The following MNS1 variants were observed in gnomAD, a reference collection of about 807,000 sequenced individuals.
MNS1 encodes meiosis-specific nuclear structural protein 1.
In MNS1, 63 loss-of-function variants were observed where a neutral mutation model predicts 72.0. The observed-to-expected ratio is 0.87, with a 90% CI of 0.71 to 1.08. The LOEUF is 1.08. Among genes scored for constraint, MNS1 ranks in the 50% least tolerant of loss-of-function variants. The pLI is 0.00. For missense variants in MNS1, 604 were observed against 562.4 expected, an observed-to-expected ratio of 1.07 and a Z score of -0.75; for synonymous variants, 188 against 172.1, an observed-to-expected ratio of 1.09 and a Z score of -0.72.
rs2051051341 is a variant in MNS1, at chr15:56,465,107, G to A, written c.-135C>T. Reference sequence around the variant, plus strand: ...GTTTACGCGGCGTCTTGGCAACGGTGGAGCTGCGCGCCCTCCGCTCGACCA... The same window carrying A: ...GTTTACGCGGCGTCTTGGCAACGGTAGAGCTGCGCGCCCTCCGCTCGACCA... On this transcript the variant is annotated 5_prime_UTR_variant, in exon 1 of 10. Coordinates refer to ENST00000260453, the MANE Select transcript of MNS1 (RefSeq NM_018365.4). 3 of 1,187,748 alleles carry A rather than the reference G, an allele frequency of 2.5e-6. No individual in the cohort carries two copies. Among genetic ancestry groups the A allele is most frequent in the South Asian group, 2.8e-5 (2 of 71,324 alleles). 73.6% of individuals were successfully genotyped at this position (1,187,748 alleles called of 1,614,324 possible).
chr15:56,444,309 T>C, intron 5 of MNS1, 135 bp downstream of exon 5: 1 of 673,488 alleles, frequency 1.5e-6, no homozygotes, highest in Non-Finnish European at 2.4e-6. Context: ...TCCCAATTTA[T>C]GTTTTCATAG....
At chr15:56,443,891 A>G in intron 5 of MNS1, 37 bp from the exon 6 acceptor site, 1 of 1,398,278 alleles carries the variant, frequency 7.2e-7, no homozygotes, top group Non-Finnish European at 9.7e-7. Flanking sequence ...TATAGTAAAC[A>G]ATAAAATATA....
chr15:56,439,651 T>G (rs1265912281), intron 7 of MNS1, among the ~76,000 whole-genome samples: 1 of 151,816 alleles, frequency 6.6e-6, no homozygotes, highest in South Asian at 2.1e-4. Context: ...GTGGAACAAC[T>G]GAACTAAATC....
chr15:56,429,302 A>T (rs2050488312), intron 9 of MNS1, 109 bp from the exon 10 acceptor site: 3 of 693,144 alleles, frequency 4.3e-6, no homozygotes, highest in Non-Finnish European at 7.2e-6. Flanking sequence ...AGGTAATGAA[A>T]TCTATTCAAC....
intron 2 of MNS1, among the ~76,000 whole-genome samples, chr15:56,459,761 A>G (rs1442143428): frequency 1.3e-5 from 2 of 151,406 alleles, no homozygotes; most frequent in Non-Finnish European, 2.9e-5. Context: ...GAGGCCGAAG[A>G]GGACAGATCA....
chr15:56,456,552 C>T, intron 2 of MNS1, 31 bp from the exon 3 acceptor site: 1 of 1,591,848 alleles, frequency 6.3e-7, no homozygotes, highest in African/African-American at 1.4e-5. Context: ...CGTTGTTTGT[C>T]CTCTAGAATC....
At chr15:56,464,946 T>G in intron 1 of MNS1, 24 bp downstream of exon 1, 1 of 1,611,032 alleles carries the variant, frequency 6.2e-7, no homozygotes, top group Non-Finnish European at 8.5e-7. Context: ...AAACAAGTAG[T>G]TTCAAGTCCC....
rs772687048 is a variant in MNS1 at position 56,464,997 on chromosome 15, C to T, written c.-25G>A. The T allele has an allele frequency of 6.2e-7, 1 of 1,608,230 alleles. No individual in the cohort carries two copies. The highest frequency in any genetic ancestry group is 8.5e-7 in the Non-Finnish European group (1 of 1,177,928). ...TCTTGGCTGACGAAAAATACCCCCT[C>T]TCGTGGGACCGCGGCCACCACCTCC... On this transcript the variant is annotated 5_prime_UTR_variant, in exon 1 of 10. Coordinates refer to ENST00000260453, the MANE Select transcript of MNS1 (RefSeq NM_018365.4).
intron 2 of MNS1, among the ~76,000 whole-genome samples, chr15:56,460,359 AG>A (rs79328171): frequency 0.057 from 8,643 of 152,190 alleles, 629 homozygotes; most frequent in East Asian, 0.36. Context: ...AAGTTGTAGC[AG>A]CATGCTATGT....
At chr15:56,453,681 TA>T (rs1426011871) in intron 3 of MNS1, among the ~76,000 whole-genome samples, 2 of 152,154 alleles carry the variant, frequency 1.3e-5, no homozygotes, top group East Asian at 3.8e-4. Context: ...TGCCATAATT[TA>T]AAATAGGATT....
At chr15:56,440,538 A>G (rs1429993744) in intron 7 of MNS1, among the ~76,000 whole-genome samples, 3 of 152,194 alleles carry the variant, frequency 2.0e-5, no homozygotes, top group African/African-American at 7.2e-5. Flanking sequence ...AGATTTACTC[A>G]TCAGAGCTAA....
Position 56,444,531 on chromosome 15 carries a change from T to C in MNS1, c.599A>G (p.Lys200Arg), listed in dbSNP as rs746157633. The C allele has an allele frequency of 3.7e-6, 6 of 1,612,786 alleles. 1 individual carries two copies. Among genetic ancestry groups the C allele is most frequent in the Admixed American group, 3.3e-5 (2 of 59,920 alleles). Residue 200 changes from lysine (K) to arginine (R), a missense_variant, in exon 5 of 10, where the codon AAA (lysine) becomes AGA (arginine). Physicochemically the swap from Lys to Arg is conservative, Grantham distance 26 (BLOSUM62 2). Transcript: ENST00000260453. ...CTGCTCATAAGCTTCCTGCTTTTTT[T>C]TTTCTTGTTCTTCAAGTTGTTTCTC... ...DLEKQLEEQE[K>R]KKQEAYEQLL... is the part of the protein sequence containing the mutation.
intron 2 of MNS1, among the ~76,000 whole-genome samples, chr15:56,462,388 T>C (rs186250442): frequency 1.6e-4 from 24 of 152,316 alleles, no homozygotes; most frequent in Admixed American, 4.6e-4. Flanking sequence ...CCAGACCTCA[T>C]GTGTTCCCTG....
chr15:56,451,933 A>G (rs563611977), intron 3 of MNS1, among the ~76,000 whole-genome samples: 1 of 152,316 alleles, frequency 6.6e-6, no homozygotes, highest in South Asian at 2.1e-4. Context: ...AGAAAATACT[A>G]TGTATAAATT....
chr15:56,437,431 ACT>A (rs1420898532), intron 7 of MNS1, among the ~76,000 whole-genome samples: 1 of 152,032 alleles, frequency 6.6e-6, no homozygotes, highest in Non-Finnish European at 1.5e-5. Context: ...CTTGCTAAAA[ACT>A]CTCAATAAAT....
chr15:56,440,380 C>G (rs182054638), intron 7 of MNS1, among the ~76,000 whole-genome samples: 2 of 152,312 alleles, frequency 1.3e-5, no homozygotes, highest in East Asian at 3.9e-4. Context: ...ATGTTAAATG[C>G]TACAGCTGTT....
At chr15:56,439,404 T>G (rs2050781779) in intron 7 of MNS1, among the ~76,000 whole-genome samples, 1 of 151,320 alleles carries the variant, frequency 6.6e-6, no homozygotes, top group Non-Finnish European at 1.5e-5. Context: ...GAGACAAGAT[T>G]CTTCAAAAAT....
chr15:56,452,131 G>T (rs1207200357), intron 3 of MNS1, among the ~76,000 whole-genome samples: 2 of 152,072 alleles, frequency 1.3e-5, no homozygotes, highest in Admixed American at 1.3e-4. Flanking sequence ...CTGTGTTGGG[G>T]GTTCCCAAGA....
At chr15:56,437,522 A>C (rs1194812137) in intron 7 of MNS1, among the ~76,000 whole-genome samples, 1 of 152,330 alleles carries the variant, frequency 6.6e-6, no homozygotes, top group East Asian at 1.9e-4. Flanking sequence ...CTGAATGGGC[A>C]AAAACTGGAA....
Sources: allele counts gnomAD v4.1 joint callset (sites outside exome capture counted in the v4.1 genomes callset), GRCh38; gene constraint gnomAD v4.1.1; transcripts MANE v1.5; gene names NCBI Gene and HGNC (gene_info 2026-07-23, HGNC 2026-07-21).